NR4A1: variants seen among roughly 807,000 people sequenced by gnomAD.
NR4A1 encodes the protein nuclear receptor subfamily 4immunitygroup A member 1.
In NR4A1, 24 loss-of-function variants were observed where a neutral mutation model predicts 47.5. That is an observed-to-expected ratio of 0.50 (90% CI 0.37 to 0.71). NR4A1 has a LOEUF of 0.71. NR4A1 is among the 30% of genes least tolerant of loss of function. The pLI is 0.00. For missense variants in NR4A1, 669 were observed against 788.6 expected, an observed-to-expected ratio of 0.85 and a Z score of 1.82; for synonymous variants, 353 against 345.7, an observed-to-expected ratio of 1.02 and a Z score of -0.24.
intron 1 of NR4A1, chr12:52,038,751 T>C (rs1159350958): frequency 1.3e-6 from 1 of 764,724 alleles, no homozygotes; most frequent in East Asian, 2.4e-5. Flanking sequence ...TAATTGAAGG[T>C]AACTGGGCAG....
At position 52,041,405 on chromosome 12, in the gene NR4A1, G is replaced by A. The variant is rs77752677; in HGVS notation, c.-83-405G>A. ...CTTGGGGGCCTCCGAGGCTTTAGGGGCCAAACTGGAGCCCCTTAAGGAGAG... is the reference window on the plus strand; with the variant it reads ...CTTGGGGGCCTCCGAGGCTTTAGGGACCAAACTGGAGCCCCTTAAGGAGAG... On this transcript the variant is annotated intron_variant, in intron 1 of 7. Coordinates refer to the NR4A1 transcript ENST00000360284. Among the ~76,000 whole-genome samples, 1,260 of 152,208 alleles carry A rather than the reference G, an allele frequency of 8.3e-3. 25 individuals are homozygous for A. The highest frequency in any genetic ancestry group is 0.068 in the Admixed American group (1,043 of 15,300).
intron 4 of NR4A1, 28 bp downstream of exon 4, chr12:52,056,673 G>C (rs781318179): frequency 6.5e-6 from 10 of 1,546,504 alleles, no homozygotes; most frequent in Non-Finnish European, 8.7e-6. Context: ...GTCTGCCTTG[G>C]GGAGGTCTAT....
Position 52,058,754 on chromosome 12 carries a change from A to G in NR4A1, c.1607A>G (p.Lys536Arg). 1.2e-6 allele frequency: 2 copies of G among 1,612,824 alleles called. No individual in the cohort carries two copies. Among genetic ancestry groups the G allele is most frequent in the Non-Finnish European group, 1.7e-6 (2 of 1,179,662 alleles). ...ELQNRIASCL[K>R]EHVAAVAGEP... ...CAGAACCGCATCGCCAGCTGCCTGA[A>G]GGAGCACGTGGCAGCTGTGGCGGGC... The change falls in exon 7 of 7, where the codon AAG becomes AGG. Residue 536 changes from lysine to arginine, a missense_variant. Transcript: ENST00000394825.
At chr12:52,043,774 T>A (rs991703501) in intron 2 of NR4A1, 1 of 1,285,210 alleles carries the variant, frequency 7.8e-7, no homozygotes, top group Non-Finnish European at 1.0e-6. Context: ...GAGGATAGGC[T>A]GGCTGGGCAG....
Position 52,054,339 on chromosome 12 carries a change from TCCAA to T in NR4A1, c.12_15del (p.Ile4MetfsTer22), listed in dbSNP as rs1237796853. 3.1e-6 allele frequency: 5 copies of T among 1,609,292 alleles called. No individual in the cohort carries two copies. The highest frequency in any genetic ancestry group is 4.2e-6 in the Non-Finnish European group (5 of 1,177,200). On this transcript the variant is annotated frameshift_variant, in exon 2 of 7. Transcript: ENST00000394825. LOFTEE classifies it high-confidence loss of function. ...CCTCTCTCTCCAGAGATGCCCTGTA[TCCAA>T]GCCCAATATGGGACACCAGCACCGA... is the stretch of plus-strand genomic sequence containing the variant.
At chr12:52,052,321 G>A (rs533665323) in intron 1 of NR4A1, among the ~76,000 whole-genome samples, 3 of 151,256 alleles carry the variant, frequency 2.0e-5, no homozygotes, top group African/African-American at 7.3e-5. Context: ...GAGAGAGAGA[G>A]AGAGAGAAAG....
chr12:52,052,208 G>A (rs1215916823), intron 1 of NR4A1, among the ~76,000 whole-genome samples: 1 of 146,060 alleles, frequency 6.8e-6, no homozygotes, highest in Non-Finnish European at 1.5e-5. Context: ...GAGGCTTCTT[G>A]GGGTCGGGGC....
At chr12:52,057,746 G>A (rs1484173714) in intron 6 of NR4A1, among the ~76,000 whole-genome samples, 2 of 152,232 alleles carry the variant, frequency 1.3e-5, no homozygotes, top group African/African-American at 4.8e-5. Flanking sequence ...ACAGCCTTTG[G>A]TCCCAGACTG....
chr12:52,039,839 A>C (rs12305231), intron 1 of NR4A1, among the ~76,000 whole-genome samples: 2,867 of 152,322 alleles, frequency 0.019, 49 homozygotes, highest in African/African-American at 0.037. Context: ...TGACATGGGA[A>C]TGGAAACCTG....
chr12:52,042,382 CT>C (rs1396096185), intron 2 of NR4A1, among the ~76,000 whole-genome samples: 1 of 152,034 alleles, frequency 6.6e-6, no homozygotes, highest in Non-Finnish European at 1.5e-5. Context: ...GGGACCTCCC[CT>C]TCCTCGTGGA....
At chr12:52,049,152 C>T (rs1168704129), upstream of NR4A1, among the ~76,000 whole-genome samples, 1 of 152,188 alleles carries the variant, frequency 6.6e-6, no homozygotes, top group Non-Finnish European at 1.5e-5. Flanking sequence ...AGGGGGTTGG[C>T]TCCAGGACCC....
At chr12:52,033,365 C>G (rs1482783436) in intron 1 of NR4A1, among the ~76,000 whole-genome samples, 2 of 152,242 alleles carry the variant, frequency 1.3e-5, no homozygotes, top group Non-Finnish European at 2.9e-5. Context: ...AGTGCGATTA[C>G]GGGCCTCTCA....
At chr12:52,023,625 T>A (rs1392811775) in intron 1 of NR4A1, among the ~76,000 whole-genome samples, 1 of 129,898 alleles carries the variant, frequency 7.7e-6, no homozygotes, top group Non-Finnish European at 1.7e-5. Context: ...TCTCAACCCC[T>A]CACCCACGCA....
chr12:52,028,859 T>C (rs922932306), intron 1 of NR4A1, among the ~76,000 whole-genome samples: 8 of 150,300 alleles, frequency 5.3e-5, no homozygotes, highest in Non-Finnish European at 7.4e-5. Context: ...GCCAAGATGG[T>C]GCCACTGCAC....
At chr12:52,027,268 C>T (rs1379694492) in intron 1 of NR4A1, among the ~76,000 whole-genome samples, 1 of 152,234 alleles carries the variant, frequency 6.6e-6, no homozygotes. Context: ...TGAATGGTCC[C>T]CAGGAGCATC....
chr12:52,036,393 G>A (rs1174610906), intron 1 of NR4A1, among the ~76,000 whole-genome samples: 1 of 152,200 alleles, frequency 6.6e-6, no homozygotes, highest in Non-Finnish European at 1.5e-5. Flanking sequence ...CTTTGGATTG[G>A]GGAGAGCAGG....
chr12:52,059,196 C>T lies in NR4A1; in HGVS notation c.*252C>T, dbSNP rs998547272. On this transcript the variant is annotated 3_prime_UTR_variant, in exon 7 of 7. Coordinates refer to ENST00000394825, the MANE Select transcript of NR4A1 (RefSeq NM_173157.3). Reference sequence around the variant, plus strand: ...CCTTTATGTTTTTTGTAAGATAAACCGTTTTTAACACATAGCGCCGTGCTG... The same window carrying T: ...CCTTTATGTTTTTTGTAAGATAAACTGTTTTTAACACATAGCGCCGTGCTG... The T allele has an allele frequency of 4.5e-5, 24 of 535,628 alleles. No homozygotes were observed. Among genetic ancestry groups the T allele is most frequent in the East Asian group, 6.4e-5 (2 of 31,184 alleles). The allele number at this position is 535,628 out of a possible 1,614,324, so 33.2% of individuals were successfully genotyped here.
chr12:52,057,013 A>C (rs1410865065), intron 4 of NR4A1, 44 bp from the exon 5 acceptor site: 26 of 1,525,868 alleles, frequency 1.7e-5, no homozygotes, highest in Non-Finnish European at 2.2e-5. Flanking sequence ...CAGTGGGTGT[A>C]GGAGCCTGCC....
chr12:52,023,558 C>G (rs971458742), intron 1 of NR4A1, among the ~76,000 whole-genome samples: 30 of 152,110 alleles, frequency 2.0e-4, no homozygotes, highest in African/African-American at 7.2e-4. Flanking sequence ...CGCACTAGCC[C>G]GCCCCCACCC....
Sources: allele counts gnomAD v4.1 joint callset (sites outside exome capture counted in the v4.1 genomes callset), GRCh38; gene constraint gnomAD v4.1.1; transcripts MANE v1.5; gene names NCBI Gene and HGNC (gene_info 2026-07-23, HGNC 2026-07-21).